TCF7L2: variants seen among roughly 807,000 people sequenced by gnomAD.
TCF7L2 encodes transcription factor 7-like 2.
Under a neutral mutation model 77.9 loss-of-function variants are expected in TCF7L2, and 23 were observed. The observed-to-expected ratio is 0.30, with a 90% confidence interval of 0.21 to 0.42. The LOEUF (loss-of-function observed/expected upper bound fraction) is 0.42. Among genes scored for constraint, TCF7L2 ranks in the 10% least tolerant of loss-of-function variants. TCF7L2 has a pLI of 1.00. For synonymous variants in TCF7L2, 413 were observed against 340.2 expected, an observed-to-expected ratio of 1.21 and a Z score of -2.36; for missense variants, 654 against 793.1, an observed-to-expected ratio of 0.82 and a Z score of 2.11.
intron 5 of TCF7L2, among the ~76,000 whole-genome samples, chr10:113,084,811 G>A (rs1475691199): frequency 1.3e-5 from 2 of 151,526 alleles, no homozygotes; most frequent in Non-Finnish European, 2.9e-5. Context: ...CACAAGAATC[G>A]CTTGAACCCG....
intron 5 of TCF7L2, chr10:113,132,883 C>G (rs116190510): frequency 6.6e-6 from 1 of 152,104 alleles, no homozygotes; most frequent in Non-Finnish European, 1.5e-5. Flanking sequence ...CAGAGGGCCC[C>G]GTTGTGCCTG....
intron 5 of TCF7L2, among the ~76,000 whole-genome samples, chr10:113,062,024 A>G (rs1442629927): frequency 6.6e-6 from 1 of 152,186 alleles, no homozygotes. Context: ...GGCGATTTTC[A>G]TTAAAGTTTT....
intron 4 of TCF7L2, among the ~76,000 whole-genome samples, chr10:113,024,185 C>G (rs1434139318): frequency 2.0e-5 from 3 of 152,088 alleles, no homozygotes; most frequent in African/African-American, 7.2e-5. Flanking sequence ...GTAGTCCCAG[C>G]TACTCAAGAA....
At chr10:113,100,940 TG>T (rs1226717407) in intron 5 of TCF7L2, among the ~76,000 whole-genome samples, 1 of 152,152 alleles carries the variant, frequency 6.6e-6, no homozygotes, top group Non-Finnish European at 1.5e-5. Flanking sequence ...GCAGGCGTGG[TG>T]GCGTTTGCCT....
At chr10:112,978,622 A>AAC (rs2039889235) in intron 4 of TCF7L2, among the ~76,000 whole-genome samples, 1 of 145,684 alleles carries the variant, frequency 6.9e-6, no homozygotes, top group African/African-American at 2.5e-5. Flanking sequence ...ACCTGCCACC[A>AAC]CGCCTGGCTA....
At chr10:113,058,691 G>C (rs2055841796) in intron 5 of TCF7L2, among the ~76,000 whole-genome samples, 1 of 151,890 alleles carries the variant, frequency 6.6e-6, no homozygotes, top group Admixed American at 6.6e-5. Context: ...TTTGGGTCGT[G>C]AGCTGTGTGT....
At chr10:113,127,295 CT>C (rs2065811582) in intron 5 of TCF7L2, among the ~76,000 whole-genome samples, 1 of 150,846 alleles carries the variant, frequency 6.6e-6, no homozygotes, top group South Asian at 2.1e-4. Context: ...CTCCACCCTC[CT>C]CGCTCCCCTC....
chr10:113,026,184 C>T (rs947241717), intron 4 of TCF7L2, among the ~76,000 whole-genome samples: 1 of 135,678 alleles, frequency 7.4e-6, no homozygotes, highest in Non-Finnish European at 1.6e-5. Context: ...TGGCCTACCC[C>T]CTGTCGCCCA....
At chr10:113,111,581 C>T (rs1010033067) in intron 5 of TCF7L2, among the ~76,000 whole-genome samples, 2 of 152,138 alleles carry the variant, frequency 1.3e-5, no homozygotes, top group Non-Finnish European at 2.9e-5. Flanking sequence ...CACTTGAGCC[C>T]AGGAGTTTGA....
At chr10:112,951,708 C>A (rs941477182) in intron 3 of TCF7L2, 101 bp downstream of exon 3, 1 of 566,310 alleles carries the variant, frequency 1.8e-6, no homozygotes, top group African/African-American at 2.1e-5. Context: ...CCGCCTCCCC[C>A]TCCCCGCCTC....
Position 112,966,184 on chromosome 10 carries a change from T to TTATATATATTTATATATATATA in TCF7L2, c.450+1569_450+1570insTTATATATATATATATATATAT, listed in dbSNP as rs1477073663. The stretch of plus-strand genomic sequence containing the variant: ...GAGTGAGACTCTGTCTAAAATATAT[T>TTATATATATTTATATATATATA]TATATATATATATATATATATATAT... On this transcript the variant is annotated intron_variant, in intron 4 of 13. Coordinates refer to ENST00000627217, the MANE Select transcript of TCF7L2 (RefSeq NM_001146274.2). Among the ~76,000 whole-genome samples the TTATATATATTTATATATATATA allele has an allele frequency of 1.9e-3, 215 of 114,218 alleles. 7 individuals are homozygous for TTATATATATTTATATATATATA. The South Asian group carries it at 0.032, about 17-fold the overall frequency. The allele number at this position is 114,218 out of a possible 152,430, so 74.9% of individuals were successfully genotyped here.
intron 3 of TCF7L2, among the ~76,000 whole-genome samples, chr10:112,961,777 A>G (rs1589705565): frequency 8.6e-6 from 1 of 115,984 alleles, no homozygotes; most frequent in African/African-American, 3.4e-5. Flanking sequence ...TGTGTTTGTG[A>G]GCTGGGTGAG....
chr10:113,053,205 A>G (rs2054771533), intron 5 of TCF7L2, among the ~76,000 whole-genome samples: 1 of 152,166 alleles, frequency 6.6e-6, no homozygotes, highest in Non-Finnish European at 1.5e-5. Flanking sequence ...GTGGGTAGAG[A>G]GGACATTTGT....
At chr10:113,022,239 G>A (rs886979005) in intron 4 of TCF7L2, among the ~76,000 whole-genome samples, 9 of 152,212 alleles carry the variant, frequency 5.9e-5, no homozygotes, top group Non-Finnish European at 1.2e-4. Context: ...CCCCTGTTTC[G>A]TGGGACGGCT....
At position 113,143,949 on chromosome 10, in the gene TCF7L2, G is replaced by C. The variant is rs768883254; in HGVS notation, c.712G>C (p.Asp238His). The C allele has an allele frequency of 6.2e-7, 1 of 1,613,860 alleles. No homozygotes were observed. Among genetic ancestry groups the C allele is most frequent in the Non-Finnish European group, 8.5e-7 (1 of 1,179,986 alleles). The change falls in exon 7 of 14, where the codon GAT becomes CAT. Residue 238 changes from aspartate (D) to histidine (H), a missense_variant. By Grantham distance (81) the Asp-to-His change is moderately conservative. Transcript: ENST00000627217. ...AATCCCACGGCCTCCGCACCCTCCA[G>C]ATATATCCCCGTATTACCCACTATC...
chr10:113,128,128 C>T (rs1031150588), intron 5 of TCF7L2, among the ~76,000 whole-genome samples: 2 of 152,002 alleles, frequency 1.3e-5, no homozygotes, highest in Admixed American at 6.6e-5. Context: ...GGGCTTTTTA[C>T]TTGTCAAAGT....
At chr10:112,975,310 G>C (rs1055767837) in intron 4 of TCF7L2, among the ~76,000 whole-genome samples, 1 of 152,020 alleles carries the variant, frequency 6.6e-6, no homozygotes, top group Admixed American at 6.6e-5. Flanking sequence ...ATTGAGGCTC[G>C]GTCTGGAAAC....
chr10:113,050,369 C>T (rs1284637030), intron 5 of TCF7L2, among the ~76,000 whole-genome samples: 3 of 152,030 alleles, frequency 2.0e-5, no homozygotes, highest in Non-Finnish European at 4.4e-5. Flanking sequence ...CTGAGCCATC[C>T]CATTGTCCCA....
At chr10:113,146,457 C>T (rs536998782) in intron 8 of TCF7L2, among the ~76,000 whole-genome samples, 3 of 152,022 alleles carry the variant, frequency 2.0e-5, no homozygotes, top group South Asian at 2.1e-4. Context: ...AAGAAGAGTT[C>T]GAAAAAAGAT....
Sources: allele counts gnomAD v4.1 joint callset (sites outside exome capture counted in the v4.1 genomes callset), GRCh38; gene constraint gnomAD v4.1.1; transcripts MANE v1.5; gene names NCBI Gene and HGNC (gene_info 2026-07-23, HGNC 2026-07-21).